Variants in SPOCK1 observed in about 807,000 individuals in gnomAD.
The protein encoded by SPOCK1 is testican-1.
Under a neutral mutation model 55.3 loss-of-function variants are expected in SPOCK1, and 23 were observed. The ratio of observed to expected loss-of-function variants is 0.42; its 90% CI spans 0.30 to 0.59. The LOEUF (loss-of-function observed/expected upper bound fraction) is 0.59. SPOCK1 is among the 20% of genes least tolerant of loss of function. SPOCK1 has a pLI of 0.22. For missense variants in SPOCK1, 499 were observed against 552.5 expected (o/e 0.90, Z 0.97); for synonymous variants, 226 against 221.0 (o/e 1.02, Z -0.20).
intron 3 of SPOCK1, among the ~76,000 whole-genome samples, chr5:137,152,313 T>C (rs902734867): frequency 2.0e-5 from 3 of 152,252 alleles, no homozygotes; most frequent in African/African-American, 7.2e-5. Flanking sequence ...CAACCAGCTC[T>C]TTCCCACCTA....
chr5:137,137,263 G>C (rs979748167), intron 4 of SPOCK1, among the ~76,000 whole-genome samples: 3 of 152,158 alleles, frequency 2.0e-5, no homozygotes, highest in South Asian at 4.1e-4. Context: ...AGGCCAACTT[G>C]GCTGGCAAGA....
intron 2 of SPOCK1, among the ~76,000 whole-genome samples, chr5:137,446,990 C>T (rs1043132110): frequency 6.6e-6 from 1 of 152,156 alleles, no homozygotes; most frequent in Non-Finnish European, 1.5e-5. Context: ...AATGTCCTTG[C>T]CTTTAAAGCT....
At chr5:137,299,299 G>A (rs1261581108) in intron 2 of SPOCK1, among the ~76,000 whole-genome samples, 1 of 151,934 alleles carries the variant, frequency 6.6e-6, no homozygotes, top group Non-Finnish European at 1.5e-5. Context: ...TCATATATAT[G>A]AATACACTTG....
intron 5 of SPOCK1, among the ~76,000 whole-genome samples, chr5:137,075,995 A>C (rs1447826216): frequency 1.3e-5 from 2 of 152,246 alleles, no homozygotes; most frequent in African/African-American, 4.8e-5. Context: ...CAGATGAGGA[A>C]GGACTTGAAG....
intron 3 of SPOCK1, among the ~76,000 whole-genome samples, chr5:137,160,682 T>TATA (rs1754537520): frequency 8.8e-6 from 1 of 113,566 alleles, no homozygotes; most frequent in South Asian, 2.4e-4. Context: ...ATAATATATG[T>TATA]TATATATATA....
At chr5:137,245,962 A>T (rs1756387379) in intron 3 of SPOCK1, among the ~76,000 whole-genome samples, 1 of 152,238 alleles carries the variant, frequency 6.6e-6, no homozygotes, top group African/African-American at 2.4e-5. Context: ...TCTGACCAAC[A>T]TGCATGCCTA....
chr5:137,158,578 G>A (rs576613254), intron 3 of SPOCK1, among the ~76,000 whole-genome samples: 2 of 152,236 alleles, frequency 1.3e-5, no homozygotes, highest in African/African-American at 2.4e-5. Context: ...ATTGGGGTGA[G>A]CCGATTCTCC....
At chr5:137,287,097 T>C (rs1561493816) in intron 2 of SPOCK1, among the ~76,000 whole-genome samples, 1 of 152,194 alleles carries the variant, frequency 6.6e-6, no homozygotes, top group Non-Finnish European at 1.5e-5. Context: ...GCTTTTCAGT[T>C]GGTCCTGCAA....
At chr5:137,084,666 A>G (rs1398887591) in intron 5 of SPOCK1, among the ~76,000 whole-genome samples, 4 of 152,134 alleles carry the variant, frequency 2.6e-5, no homozygotes, top group Non-Finnish European at 4.4e-5. Flanking sequence ...TCATAGAGCC[A>G]CAGAGGAGAA....
intron 2 of SPOCK1, among the ~76,000 whole-genome samples, chr5:137,372,157 A>G (rs1751215509): frequency 2.0e-5 from 3 of 152,194 alleles, no homozygotes; most frequent in Admixed American, 1.3e-4. Flanking sequence ...TCAGCTGCTG[A>G]GTAGCCACAT....
At chr5:137,492,954 G>A (rs908255857) in intron 2 of SPOCK1, among the ~76,000 whole-genome samples, 3 of 152,172 alleles carry the variant, frequency 2.0e-5, no homozygotes, top group South Asian at 2.1e-4. Context: ...ACTCCTTGAC[G>A]GTTCATTAAA....
chr5:137,256,769 G>A (rs547711039), intron 3 of SPOCK1, among the ~76,000 whole-genome samples: 5 of 152,170 alleles, frequency 3.3e-5, no homozygotes, highest in East Asian at 1.9e-4. Context: ...CAAGGGCTAC[G>A]CAGCTGCACC....
At chr5:137,263,516 C>T (rs944511780) in intron 3 of SPOCK1, among the ~76,000 whole-genome samples, 23 of 152,194 alleles carry the variant, frequency 1.5e-4, no homozygotes, top group Admixed American at 1.3e-3. Flanking sequence ...AAGGTCCATC[C>T]GGGGGCCTTC....
At chr5:137,272,397 T>C (rs941787313) in intron 2 of SPOCK1, among the ~76,000 whole-genome samples, 33 of 152,336 alleles carry the variant, frequency 2.2e-4, no homozygotes, top group African/African-American at 7.5e-4. Context: ...GACATTTGCC[T>C]GTAATTTTGT....
chr5:137,069,195 G>T (rs537030491), intron 5 of SPOCK1, among the ~76,000 whole-genome samples: 1 of 152,302 alleles, frequency 6.6e-6, no homozygotes, highest in Admixed American at 6.5e-5. Context: ...CGGAGGGAAA[G>T]AATACTTTAA....
chr5:137,210,376 T>C (rs1347516144), intron 3 of SPOCK1, among the ~76,000 whole-genome samples: 1 of 152,204 alleles, frequency 6.6e-6, no homozygotes, highest in Non-Finnish European at 1.5e-5. Flanking sequence ...ATTATTTATC[T>C]AGGGAACCCT....
rs560754264 is a variant in SPOCK1, at chr5:137,448,407, G to A, written c.186+49966C>T. ...CCAAACATCATCTGATTAGAAACCT[G>A]GTGGTTTCTTTGGGGCTCTTAGACT... On this transcript the variant is annotated intron_variant, in intron 2 of 10. Transcript: ENST00000394945. Among the ~76,000 whole-genome samples the A allele has an allele frequency of 2.0e-5, 3 of 152,250 alleles. No homozygotes were observed. In the East Asian group the frequency reaches 5.8e-4, roughly 29 times the overall value.
intron 2 of SPOCK1, among the ~76,000 whole-genome samples, chr5:137,375,975 G>T (rs1751305420): frequency 6.6e-6 from 1 of 152,178 alleles, no homozygotes; most frequent in Non-Finnish European, 1.5e-5. Context: ...AGGAGCATCA[G>T]GCCTTTTAAG....
intron 2 of SPOCK1, among the ~76,000 whole-genome samples, chr5:137,305,033 G>A (rs1757679582): frequency 6.6e-6 from 1 of 152,170 alleles, no homozygotes; most frequent in African/African-American, 2.4e-5. Context: ...AGCTGTAGGG[G>A]AGAACCCTCC....
Sources: gnomAD v4.1 joint callset for allele counts (sites outside exome capture counted in the v4.1 genomes callset) on GRCh38, gnomAD v4.1.1 for gene constraint, MANE v1.5 for transcripts, NCBI Gene and HGNC (gene_info 2026-07-23, HGNC 2026-07-21) for gene names.